The following ZNF160 variants were observed in gnomAD, a reference collection of about 807,000 sequenced individuals.
ZNF160 encodes zinc finger protein 160.
Under a neutral mutation model 13.1 loss-of-function variants are expected in ZNF160, and 9 were observed. The ratio of observed to expected loss-of-function variants is 0.69; its 90% confidence interval spans 0.41 to 1.20. The LOEUF is 1.20. ZNF160 is among the 50% of genes most tolerant of loss of function. ZNF160 has a pLI of 0.01. For missense variants in ZNF160, 838 were observed against 988.0 expected, an observed-to-expected ratio of 0.85 and a Z score of 2.04; for synonymous variants, 293 against 333.2, an observed-to-expected ratio of 0.88 and a Z score of 1.31.
rs766183370 is a variant in ZNF160 at position 53,068,972 on chromosome 19, C to T, written c.1562G>A (p.Arg521His). The part of the protein sequence containing the change: ...CNECGKAFSV[R>H]SSLTTHQAIH... The stretch of plus-strand genomic sequence containing the variant: ...TGCCTGATGGGTAGTCAGACTTGAA[C>T]GAACACTGAAGGCTTTCCCACACTC... The change falls in exon 6 of 6, where the codon CGT becomes CAT. Residue 521 changes from arginine to histidine, a missense_variant. Coordinates refer to ENST00000683776, the MANE Select transcript of ZNF160 (RefSeq NM_001322131.2). 1.9e-5 allele frequency: 30 copies of T among 1,610,638 alleles called. No individual in the cohort carries two copies. Among genetic ancestry groups the T allele is most frequent in the African/African-American group, 8.1e-5 (6 of 74,022 alleles).
At chr19:53,098,836 G>T (rs964791421) in intron 1 of ZNF160, among the ~76,000 whole-genome samples, 342 of 151,060 alleles carry the variant, frequency 2.3e-3, no homozygotes, top group Admixed American at 3.8e-3. Context: ...AGGCGGTGGG[G>T]ACGCCTCGGC....
chr19:53,073,150 T>C, intron 5 of ZNF160: 3 of 1,359,034 alleles, frequency 2.2e-6, no homozygotes, highest in Non-Finnish European at 2.9e-6. Flanking sequence ...CAACCTGTGG[T>C]AACCCACATT....
intron 2 of ZNF160, among the ~76,000 whole-genome samples, chr19:53,087,506 G>A (rs1325849344): frequency 6.6e-6 from 1 of 152,006 alleles, no homozygotes; most frequent in Non-Finnish European, 1.5e-5. Flanking sequence ...AGACTGCAGG[G>A]GTGAATATGT....
intron 3 of ZNF160, chr19:53,076,087 T>G (rs1303688264): frequency 4.7e-6 from 1 of 212,560 alleles, no homozygotes; most frequent in East Asian, 1.3e-4. Flanking sequence ...AGAAACTGAG[T>G]CTGTTTTTCC....
intron 2 of ZNF160, 98 bp from the exon 3 acceptor site, chr19:53,086,419 T>C (rs2084833388): frequency 1.9e-6 from 2 of 1,060,626 alleles, no homozygotes; most frequent in Admixed American, 2.8e-5. Flanking sequence ...TGTGCCACAG[T>C]CACACGCACA....
intron 5 of ZNF160, among the ~76,000 whole-genome samples, chr19:53,071,279 G>A (rs979147756): frequency 7.2e-5 from 11 of 151,842 alleles, no homozygotes; most frequent in African/African-American, 1.2e-4. Context: ...TGCTGGGTGC[G>A]GTGGCTCACA....
chr19:53,074,909 C>T (rs1163169822), intron 4 of ZNF160, 148 bp downstream of exon 4: 3 of 1,035,004 alleles, frequency 2.9e-6, no homozygotes, highest in Non-Finnish European at 4.3e-6. Context: ...GATTAAAGTC[C>T]AGGTTTCCCA....
intron 3 of ZNF160, among the ~76,000 whole-genome samples, chr19:53,081,139 C>A (rs1007447483): frequency 4.9e-4 from 74 of 152,208 alleles, no homozygotes; most frequent in African/African-American, 1.8e-3. Flanking sequence ...CTAGGAAATA[C>A]TCTTCTAAGA....
chr19:53,086,154 A>G lies in ZNF160; in HGVS notation c.15+108T>C, dbSNP rs1007158335. ...CTGAGGGAAGGCGCGGGTGAGTGCT[A>G]GCAAACATGTCAGGCAGGACGCTTC... On this transcript the variant is annotated intron_variant, in intron 3 of 5. Coordinates refer to ENST00000683776, the MANE Select transcript of ZNF160 (RefSeq NM_001322131.2). 5 of 1,378,196 alleles carry G rather than the reference A, an allele frequency of 3.6e-6. No homozygotes were observed. In the African/African-American group the frequency reaches 7.1e-5, roughly 20 times the overall value. 85.4% of individuals were successfully genotyped at this position (1,378,196 alleles called of 1,614,324 possible).
chr19:53,096,774 A>C (rs2085254432), intron 1 of ZNF160, among the ~76,000 whole-genome samples: 1 of 127,946 alleles, frequency 7.8e-6, no homozygotes, highest in Non-Finnish European at 1.7e-5. Flanking sequence ...CCTCTCCCTC[A>C]ATCACCCGCC....
Position 53,069,402 on chromosome 19 carries a change from A to T in ZNF160, c.1132T>A (p.Phe378Ile). The T allele has an allele frequency of 6.2e-7, 1 of 1,614,120 alleles. No individual in the cohort carries two copies. Among genetic ancestry groups the T allele is most frequent in the Admixed American group, 1.7e-5 (1 of 60,010 alleles). The change falls in exon 6 of 6, where the codon TTC becomes ATC. Residue 378 changes from phenylalanine to isoleucine, a missense_variant. Around this residue, in one of 3 missense-constraint regions of ZNF160, gnomAD observed 400 missense variants for 538.9 expected, o/e 0.74. Transcript: ENST00000683776. This position sits in a 1 kb window ranked among gnomAD's most constrained non-coding sequence, Gnocchi z 4.4. ...PFKCNECGKLFTQNSHLISHW... is the reference protein window; with the variant it reads ...PFKCNECGKLITQNSHLISHW... ...CTTATAAGGTGTGAATTTTGAGTGA[A>T]GAGCTTGCCACATTCATTACATTTG...
intron 1 of ZNF160, among the ~76,000 whole-genome samples, chr19:53,100,844 G>A (rs1168513148): frequency 6.6e-6 from 1 of 151,922 alleles, no homozygotes; most frequent in East Asian, 1.9e-4. Flanking sequence ...TTAGCCAGGT[G>A]TGGTGGCAGG....
At position 53,086,256 on chromosome 19, in the gene ZNF160, C is replaced by A; in HGVS notation, c.15+6G>T. 1 of 1,588,818 alleles carries A rather than the reference C, an allele frequency of 6.3e-7. No homozygotes were observed. Among genetic ancestry groups the A allele is most frequent in the Non-Finnish European group, 8.6e-7 (1 of 1,168,068 alleles). ...AAAGAACAATCCACCAGGAGTATCA[C>A]TTTACCTGAGTAAGGGCCATCCCTG... On this transcript the variant is annotated splice_donor_region_variant and intron_variant, in intron 3 of 5. Transcript: ENST00000683776.
intron 3 of ZNF160, among the ~76,000 whole-genome samples, chr19:53,080,414 T>C (rs2084586441): frequency 6.6e-6 from 1 of 152,190 alleles, no homozygotes; most frequent in Non-Finnish European, 1.5e-5. Context: ...AGCAGTACTC[T>C]TAAACGCCAA....
At position 53,068,893 on chromosome 19, in the gene ZNF160, A is replaced by G. The variant is rs375820683; in HGVS notation, c.1641T>C (p.Thr547=). Residue 547 remains threonine (T), a synonymous_variant, in exon 6 of 6, where the codon ACT becomes ACC. Transcript: ENST00000683776. ...YKCIECGKSF[T]QKSHLRSHRG... is the part of the protein sequence containing the mutation. ...GATGACTTCTAAGGTGTGATTTTTGAGTGAAGCTCTTGCCACATTCAATAC... is the reference window on the plus strand; with the variant it reads ...GATGACTTCTAAGGTGTGATTTTTGGGTGAAGCTCTTGCCACATTCAATAC... 20 of 1,613,870 alleles carry G rather than the reference A, an allele frequency of 1.2e-5. No individual in the cohort carries two copies. The highest frequency in any genetic ancestry group is 1.7e-5 in the Non-Finnish European group (20 of 1,179,950).
chr19:53,068,160 T>C lies in ZNF160; in HGVS notation c.2374A>G (p.Asn792Asp). The change falls in exon 6 of 6, where the codon AAT becomes GAT. Residue 792 changes from asparagine (N) to aspartate (D), a missense_variant. This residue lies in a region of ZNF160 where 51 missense variants were observed against 46.9 expected (regional missense o/e 1.09). Transcript: ENST00000683776. Reference sequence around the variant, plus strand: ...TGCCTGAAGACCTTGCCACACTCATTACATTTGTAACGCTTTTCTCCAGTG... The same window carrying C: ...TGCCTGAAGACCTTGCCACACTCATCACATTTGTAACGCTTTTCTCCAGTG... ...IHTGEKRYKC[N>D]ECGKVFRQSS... The C allele has an allele frequency of 1.2e-6, 2 of 1,614,194 alleles. No individual in the cohort carries two copies. The highest frequency in any genetic ancestry group is 2.2e-5 in the South Asian group (2 of 91,086).
At chr19:53,101,981 TTATAAC>T (rs755249304) in intron 1 of ZNF160, among the ~76,000 whole-genome samples, 25 of 152,266 alleles carry the variant, frequency 1.6e-4, no homozygotes, top group African/African-American at 5.3e-4. Context: ...CCCTCTTTCT[TTATAAC>T]TATGTGTTCC....
At chr19:53,100,641 T>A (rs1351025326) in intron 1 of ZNF160, among the ~76,000 whole-genome samples, 7 of 151,438 alleles carry the variant, frequency 4.6e-5, no homozygotes, top group Non-Finnish European at 1.5e-5. Context: ...GTTCTTATGT[T>A]AACGTTAAAA....
intron 1 of ZNF160, among the ~76,000 whole-genome samples, chr19:53,101,254 T>C (rs1020017229): frequency 3.9e-5 from 6 of 152,032 alleles, no homozygotes; most frequent in African/African-American, 1.5e-4. Context: ...CCCTCCAGCC[T>C]GGGTGAAAGA....
Sources: gnomAD v4.1 joint callset for allele counts (sites outside exome capture counted in the v4.1 genomes callset) on GRCh38, gnomAD v4.1.1 for gene constraint, gnomAD v4.1.1 regional missense constraint, Gnocchi (gnomAD v3.1) non-coding constraint, MANE v1.5 for transcripts, NCBI Gene and HGNC (gene_info 2026-07-23, HGNC 2026-07-21) for gene names.